Variants in CCDC171 observed in about 807,000 individuals in gnomAD.
CCDC171 encodes coiled-coil domain containing 171.
In CCDC171, 177 loss-of-function variants were observed where a neutral mutation model predicts 168.2. That is an observed-to-expected ratio of 1.05 (90% CI 0.93 to 1.19). CCDC171 has a LOEUF of 1.19. CCDC171 is among the 50% of genes most tolerant of loss of function. CCDC171 has a pLI of 0.00. For synonymous variants in CCDC171, 687 were observed against 540.8 expected, an observed-to-expected ratio of 1.27 and a Z score of -3.75; for missense variants, 1,991 against 1,539.0, an observed-to-expected ratio of 1.29 and a Z score of -4.91.
rs137981005 is a variant in CCDC171 at position 15,577,994 on chromosome 9, C to T, written c.178-855C>T. ...CTGTCATGCTACTTTGGAAGGATCA[C>T]AAATTCGATATTCGTTCATTTAAAT... On this transcript the variant is annotated intron_variant, in intron 3 of 25. Transcript: ENST00000380701. Among the ~76,000 whole-genome samples the T allele has an allele frequency of 1.7e-3, 264 of 152,308 alleles. 2 individuals are homozygous for T. Among genetic ancestry groups the T allele is most frequent in the African/African-American group, 6.0e-3 (248 of 41,564 alleles).
rs767713127 is a variant in CCDC171, at chr9:15,745,609, A to G, written c.2649A>G (p.Leu883=). ...CAATAATCAGTTCTATGGCTGAATT[A>G]CAAGACGTCATTGGTAAAGCAGGTA... ...LAAIISSMAE[L]QDVIGKADPN... is the part of the protein sequence containing the mutation. Residue 883 remains leucine (L), a synonymous_variant, in exon 18 of 26, where the codon TTA becomes TTG. Transcript: ENST00000380701. The G allele has an allele frequency of 6.4e-7, 1 of 1,560,252 alleles. No individual in the cohort carries two copies. The highest frequency in any genetic ancestry group is 2.0e-5 in the Admixed American group (1 of 50,942).
At chr9:16,099,324 G>C in the CCDC171 span, among the ~76,000 whole-genome samples, 6,222 of 152,266 alleles carry the variant, frequency 0.041, 370 homozygotes, top group African/African-American at 0.14. Flanking sequence ...TCACAACAGA[G>C]GAAAAGTGGC....
Position 15,821,410 on chromosome 9 carries a change from G to C in CCDC171, c.3268-25292G>C, listed in dbSNP as rs183990981. Among the ~76,000 whole-genome samples, 5 of 117,464 alleles carry C rather than the reference G, an allele frequency of 4.3e-5. 1 individual carries two copies. The highest frequency in any genetic ancestry group is 9.5e-5 in the Non-Finnish European group (5 of 52,400). 77.1% of individuals were successfully genotyped at this position (117,464 alleles called of 152,430 possible). A position where few individuals can be genotyped will look rare whatever the true frequency, so the allele number is the denominator to read the frequency against. On this transcript the variant is annotated intron_variant, in intron 21 of 25. Transcript: ENST00000380701. ...GGACGTCAAATTGTCCCTGTTTGCA[G>C]ATCACATGATTGTATATCTAGAAAA...
Position 15,695,902 on chromosome 9 carries a change from TATTA to T in CCDC171, c.1318+570_1318+573del, listed in dbSNP as rs2051177519. 3.3e-5 allele frequency among the ~76,000 whole-genome samples: 5 copies of T among 152,234 alleles called. No individual in the cohort carries two copies. The South Asian group carries it at 1.0e-3, about 32-fold the overall frequency. ...TATGATAAAGAGCTATAAAATTATATATTAATTAGGTAGACATATTTTGAGAACT... is the reference window on the plus strand; with the variant it reads ...TATGATAAAGAGCTATAAAATTATATATTAGGTAGACATATTTTGAGAACT... On this transcript the variant is annotated intron_variant, in intron 11 of 25. Transcript: ENST00000380701.
At chr9:16,106,906 C>T in the CCDC171 span, among the ~76,000 whole-genome samples, 1 of 152,134 alleles carries the variant, frequency 6.6e-6, no homozygotes, top group East Asian at 1.9e-4. Flanking sequence ...ATACCATCTA[C>T]CCTGGAGCCA....
intron 25 of CCDC171, among the ~76,000 whole-genome samples, chr9:15,929,097 A>T (rs1826213838): frequency 6.6e-6 from 1 of 151,414 alleles, no homozygotes; most frequent in Non-Finnish European, 1.5e-5. Context: ...ATATCAGTAT[A>T]AACATTAATA....
At chr9:15,621,432 C>G (rs1172146592) in intron 6 of CCDC171, among the ~76,000 whole-genome samples, 2 of 152,016 alleles carry the variant, frequency 1.3e-5, no homozygotes, top group South Asian at 2.1e-4. Context: ...TGGCAGTGGT[C>G]TGGAACTGAA....
At chr9:15,893,743 C>T (rs770552378) in intron 24 of CCDC171, among the ~76,000 whole-genome samples, 103 of 152,038 alleles carry the variant, frequency 6.8e-4, no homozygotes, top group Non-Finnish European at 1.3e-3. Flanking sequence ...CCATCTTGTG[C>T]CAGTTAGAAA....
At chr9:15,737,228 T>C (rs1483139426) in intron 16 of CCDC171, among the ~76,000 whole-genome samples, 2 of 152,158 alleles carry the variant, frequency 1.3e-5, no homozygotes, top group Non-Finnish European at 1.5e-5. Context: ...CTGTGTTGCA[T>C]GCTGTGGTAG....
downstream of CCDC171, among the ~76,000 whole-genome samples, chr9:16,065,809 G>GGT (rs113107786): frequency 0.14 from 19,919 of 144,182 alleles, 1,544 homozygotes; most frequent in Middle Eastern, 0.19. Context: ...TTGTGTGCAT[G>GGT]GTGTGTGTGT....
At chr9:16,007,481 G>A (rs1337453676) in intron 3 of CCDC171, among the ~76,000 whole-genome samples, 1 of 152,058 alleles carries the variant, frequency 6.6e-6, no homozygotes, top group Non-Finnish European at 1.5e-5. Context: ...CATTGCTTTT[G>A]GTGTTTTAGA....
rs771407290 is a variant in CCDC171 at position 15,744,443 on chromosome 9, C to T, written c.2220C>T (p.Pro740=). The change falls in exon 17 of 26, where the codon CCC becomes CCT. Residue 740 remains proline (P), a synonymous_variant. Transcript: ENST00000380701. ...CATTAATGGCTGGTGCCTTATATCC[C>T]CTCTATAGCCGATCATGCGCCTTGT... ...ACALMAGALY[P]LYSRSCALST... is the part of the protein sequence containing the mutation. 1.2e-6 allele frequency: 2 copies of T among 1,614,002 alleles called. No homozygotes were observed. Among genetic ancestry groups the T allele is most frequent in the Admixed American group, 1.7e-5 (1 of 60,004 alleles).
chr9:15,787,054 A>T (rs1056593200), intron 21 of CCDC171, among the ~76,000 whole-genome samples: 7 of 152,116 alleles, frequency 4.6e-5, no homozygotes, highest in Non-Finnish European at 8.8e-5. Context: ...CACGCGTGAC[A>T]GTATCATCAT....
At chr9:15,701,031 T>C (rs202209427) in intron 11 of CCDC171, among the ~76,000 whole-genome samples, 2 of 152,214 alleles carry the variant, frequency 1.3e-5, no homozygotes, top group Non-Finnish European at 2.9e-5. Context: ...CATTAGTATG[T>C]CTTCTTTTGA....
At chr9:15,624,456 CT>C (rs1554715575) in intron 7 of CCDC171, among the ~76,000 whole-genome samples, 1 of 151,990 alleles carries the variant, frequency 6.6e-6, no homozygotes, top group Non-Finnish European at 1.5e-5. Context: ...AATGCTATCC[CT>C]CCCCACTCCC....
intron 11 of CCDC171, among the ~76,000 whole-genome samples, chr9:15,696,986 C>G (rs2051266745): frequency 6.6e-6 from 1 of 152,076 alleles, no homozygotes; most frequent in Non-Finnish European, 1.5e-5. Context: ...TTTTTCTCTC[C>G]TTTACACCCT....
chr9:15,903,724 A>G (rs912329974), intron 24 of CCDC171, among the ~76,000 whole-genome samples: 1 of 152,070 alleles, frequency 6.6e-6, no homozygotes, highest in African/African-American at 2.4e-5. Flanking sequence ...CGATCAAACT[A>G]CTCCGAGCTA....
At chr9:16,050,853 G>C (rs929172100) in intron 1 of CCDC171, among the ~76,000 whole-genome samples, 2 of 152,198 alleles carry the variant, frequency 1.3e-5, no homozygotes, top group African/African-American at 4.8e-5. Context: ...AAATGACTGA[G>C]GTTGTCCTTC....
rs148999387 is a variant in CCDC171, at chr9:15,649,124, C to T, written c.823-8003C>T. Among the ~76,000 whole-genome samples, 167 of 152,262 alleles carry T rather than the reference C, an allele frequency of 1.1e-3. 1 individual carries two copies. The highest frequency in any genetic ancestry group is 3.9e-3 in the Admixed American group (59 of 15,290). On this transcript the variant is annotated intron_variant, in intron 7 of 25. Coordinates refer to ENST00000380701, the MANE Select transcript of CCDC171 (RefSeq NM_173550.4). ...CTACAACCATCTGATCTTTGACAAA[C>T]CTGACAAAAACAGGAAATGGGGAAT...
Sources: gnomAD v4.1 joint callset for allele counts (sites outside exome capture counted in the v4.1 genomes callset) on GRCh38, gnomAD v4.1.1 for gene constraint, MANE v1.5 for transcripts, NCBI Gene and HGNC (gene_info 2026-07-23, HGNC 2026-07-21) for gene names.